RB1: variants seen among roughly 807,000 people sequenced by gnomAD.
The protein encoded by RB1 is retinoblastoma-associated protein.
RB1 carries 18 observed loss-of-function variants against 135.4 expected under a neutral mutation model. The observed-to-expected ratio is 0.13, with a 90% confidence interval of 0.09 to 0.20. The LOEUF is 0.20. Among genes scored for constraint, RB1 ranks in the 10% least tolerant of loss-of-function variants. The probability of loss-of-function intolerance (pLI) is 1.00; values close to 1 mark genes in which losing one functional copy is unlikely to be tolerated. For synonymous variants in RB1, 365 were observed against 373.2 expected (o/e 0.98, Z 0.25); for missense variants, 868 against 1,110.0 (o/e 0.78, Z 3.10).
intron 17 of RB1, chr13:48,411,668 A>C (rs944321155): frequency 6.2e-7 from 1 of 1,611,200 alleles, no homozygotes. Context: ...TCACAAGAGA[A>C]TATAAAATAA....
chr13:48,347,911 T>C (rs2138091906), intron 5 of RB1, 48 bp downstream of exon 5: 1 of 1,397,988 alleles, frequency 7.2e-7, no homozygotes, highest in Non-Finnish European at 1.0e-6. Context: ...AAAAGATTTT[T>C]ATGGAATAAT....
chr13:48,440,740 A>C (rs1436142418), intron 17 of RB1, among the ~76,000 whole-genome samples: 1 of 152,192 alleles, frequency 6.6e-6, no homozygotes, highest in African/African-American at 2.4e-5. Context: ...GGTAAAAAAG[A>C]GACATCTCTT....
At chr13:48,427,111 T>G (rs1266459551) in intron 17 of RB1, among the ~76,000 whole-genome samples, 2 of 152,212 alleles carry the variant, frequency 1.3e-5, no homozygotes, top group Non-Finnish European at 2.9e-5. Flanking sequence ...ACCCCCCTGA[T>G]GTAGTCATCT....
chr13:48,453,136 A>T, intron 18 of RB1, 25 bp downstream of exon 18: 1 of 1,589,180 alleles, frequency 6.3e-7, no homozygotes, highest in East Asian at 2.2e-5. Flanking sequence ...TGTTATGTTG[A>T]CCATTCAAAC....
chr13:48,430,783 G>A (rs1949122342), intron 17 of RB1, among the ~76,000 whole-genome samples: 1 of 151,086 alleles, frequency 6.6e-6, no homozygotes, highest in African/African-American at 2.4e-5. Flanking sequence ...AAAAACAGTA[G>A]AGGCCTGCTG....
chr13:48,405,985 A>T (rs923345916), intron 17 of RB1, among the ~76,000 whole-genome samples: 6 of 152,034 alleles, frequency 3.9e-5, no homozygotes, highest in Admixed American at 3.3e-4. Flanking sequence ...TTACAGCTGC[A>T]TAGTACTGTA....
chr13:48,320,128 A>G (rs1566179362), intron 2 of RB1: 2 of 775,922 alleles, frequency 2.6e-6, no homozygotes, highest in Non-Finnish European at 4.2e-6. Context: ...TGAATCTAGC[A>G]CCAACGGGCC....
intron 17 of RB1, chr13:48,389,548 T>G (rs1948595979): frequency 6.6e-6 from 1 of 152,222 alleles, no homozygotes; most frequent in Non-Finnish European, 1.5e-5. Context: ...AGAAGTGTTC[T>G]CTATTGCTGG....
intron 2 of RB1, among the ~76,000 whole-genome samples, chr13:48,329,584 A>G: frequency 6.6e-6 from 1 of 152,152 alleles, no homozygotes; most frequent in East Asian, 1.9e-4. Context: ...TTGGAACCCT[A>G]GAAACTCCCA....
chr13:48,306,943 T>C (rs1952085559), intron 1 of RB1, among the ~76,000 whole-genome samples: 1 of 152,206 alleles, frequency 6.6e-6, no homozygotes, highest in Non-Finnish European at 1.5e-5. Flanking sequence ...GTTTTTATCT[T>C]TTTGTTGTTA....
chr13:48,318,713 G>A (rs1952208212), intron 2 of RB1: 1 of 628,680 alleles, frequency 1.6e-6, no homozygotes. Flanking sequence ...GTTTCCTTTT[G>A]CAGCTCAGCA....
At position 48,477,500 on chromosome 13, in the gene RB1, T is replaced by C. The variant is rs868636269; in HGVS notation, c.2713+96T>C. The C allele has an allele frequency of 9.9e-5, 101 of 1,022,888 alleles. 3 individuals are homozygous for C. The South Asian group carries it at 1.4e-3, about 14-fold the overall frequency. The allele number at this position is 1,022,888 out of a possible 1,614,324, so 63.4% of individuals were successfully genotyped here. A position where few individuals can be genotyped will look rare whatever the true frequency, so the allele number is the denominator to read the frequency against. ...ATAAAAGAATGTATAATTTCTTCAG[T>C]TGGCAGGTTTGTTTATGCATTTAAA... is the stretch of plus-strand genomic sequence containing the variant. On this transcript the variant is annotated intron_variant, in intron 26 of 26. Coordinates refer to ENST00000267163, the MANE Select transcript of RB1 (RefSeq NM_000321.3).
At chr13:48,463,121 A>G (rs1489093155) in intron 20 of RB1, among the ~76,000 whole-genome samples, 1 of 152,258 alleles carries the variant, frequency 6.6e-6, no homozygotes, top group East Asian at 1.9e-4. Flanking sequence ...TTTTAAAGTC[A>G]CAGGGAATCA....
At chr13:48,474,754 G>A (rs1017593779) in intron 24 of RB1, among the ~76,000 whole-genome samples, 3 of 152,094 alleles carry the variant, frequency 2.0e-5, no homozygotes, top group Non-Finnish European at 2.9e-5. Context: ...GGAAAGCTTT[G>A]CTTTGAAACA....
intron 19 of RB1, among the ~76,000 whole-genome samples, chr13:48,456,908 C>T (rs1949364167): frequency 1.3e-5 from 2 of 152,214 alleles, no homozygotes; most frequent in Admixed American, 6.5e-5. Flanking sequence ...CCACAGGGCC[C>T]CAAAGAGGGA....
In RB1 at chr13:48,465,320, A is replaced by C. The variant is rs1566237785; in HGVS notation, c.2441A>C (p.Lys814Thr). Residue 814 changes from lysine to threonine, a missense_variant, in exon 23 of 27, where the codon AAA (lysine) becomes ACA (threonine). Lys to Thr is a moderately conservative substitution (Grantham distance 78). Transcript: ENST00000267163. ...ATTTCACCCCTGAAGAGTCCATATA[A>C]AATTTCAGAAGGTCTGCCAACACCA... is the stretch of plus-strand genomic sequence containing the variant. ...IYISPLKSPYKISEGLPTPTK... is the reference protein window; with the variant it reads ...IYISPLKSPYTISEGLPTPTK... 6.2e-7 allele frequency: 1 copy of C among 1,611,462 alleles called. No homozygotes were observed. Among genetic ancestry groups the C allele is most frequent in the African/African-American group, 1.3e-5 (1 of 74,976 alleles).
At chr13:48,353,426 C>T (rs1037849459) in intron 6 of RB1, among the ~76,000 whole-genome samples, 1 of 152,042 alleles carries the variant, frequency 6.6e-6, no homozygotes, top group South Asian at 2.1e-4. Context: ...AGACCAATAA[C>T]AAGTAATGAG....
chr13:48,412,387 C>T (rs1030838293), intron 17 of RB1: 2 of 1,613,902 alleles, frequency 1.2e-6, no homozygotes, highest in Non-Finnish European at 1.7e-6. Context: ...TTAAAGGAGT[C>T]ATTATAGAAG....
At chr13:48,348,012 A>G (rs972990787) in intron 5 of RB1, 149 bp downstream of exon 5, 3 of 627,820 alleles carry the variant, frequency 4.8e-6, no homozygotes, top group Non-Finnish European at 8.5e-6. Flanking sequence ...TGTGTAGATT[A>G]TTTATCTTCT....
Sources: allele counts gnomAD v4.1 joint callset (sites outside exome capture counted in the v4.1 genomes callset), GRCh38; gene constraint gnomAD v4.1.1; transcripts MANE v1.5; gene names NCBI Gene and HGNC (gene_info 2026-07-23, HGNC 2026-07-21).